Variants in JAKMIP2 observed in about 807,000 individuals in gnomAD.
JAKMIP2 encodes the protein janus kinase and microtubule-interacting protein 2.
JAKMIP2 carries 25 observed loss-of-function variants against 115.0 expected under a neutral mutation model. The observed-to-expected ratio is 0.22, with a 90% CI of 0.16 to 0.30. The LOEUF is 0.30. Ranked by LOEUF, JAKMIP2 falls within the 10% of genes least tolerant of loss-of-function variation. The pLI is 1.00. For synonymous variants in JAKMIP2, 334 were observed against 343.6 expected, an observed-to-expected ratio of 0.97 and a Z score of 0.31; for missense variants, 642 against 957.6, an observed-to-expected ratio of 0.67 and a Z score of 4.35.
At chr5:147,636,163 G>A in intron 12 of JAKMIP2, 59 bp downstream of exon 12, 4 of 1,429,620 alleles carry the variant, frequency 2.8e-6, no homozygotes, top group Non-Finnish European at 3.9e-6. Context: ...ACCCCCTGCT[G>A]CTCCTGGATC....
chr5:147,659,093 G>GAA (rs34795261), intron 3 of JAKMIP2, among the ~76,000 whole-genome samples: 33,803 of 142,922 alleles, frequency 0.24, 4,718 homozygotes, highest in African/African-American at 0.39. Flanking sequence ...GCTGGAGTAT[G>GAA]AAAAAAAAAA....
chr5:147,603,095 G>A (rs1180204064), intron 20 of JAKMIP2, among the ~76,000 whole-genome samples: 2 of 152,146 alleles, frequency 1.3e-5, no homozygotes, highest in African/African-American at 2.4e-5. Flanking sequence ...TTGGGCATGA[G>A]GAGATGCCCA....
intron 20 of JAKMIP2, among the ~76,000 whole-genome samples, chr5:147,607,987 G>A (rs923784474): frequency 6.6e-5 from 10 of 152,054 alleles, no homozygotes; most frequent in Admixed American, 2.6e-4. Context: ...TTCTCTGATC[G>A]TAGTTTGTAT....
intron 1 of JAKMIP2, among the ~76,000 whole-genome samples, chr5:147,765,886 A>G (rs1042175217): frequency 6.6e-6 from 1 of 152,044 alleles, no homozygotes; most frequent in Non-Finnish European, 1.5e-5. Context: ...AACATCTTTG[A>G]GTTCATTGCC....
chr5:147,716,179 A>G (rs1488171406), intron 1 of JAKMIP2, among the ~76,000 whole-genome samples: 1 of 138,252 alleles, frequency 7.2e-6, no homozygotes, highest in African/African-American at 2.8e-5. Context: ...TGAACTCATC[A>G]TTTTTTATGG....
intron 2 of JAKMIP2, among the ~76,000 whole-genome samples, chr5:147,663,349 G>A (rs564825375): frequency 1.3e-5 from 2 of 152,274 alleles, no homozygotes; most frequent in East Asian, 3.9e-4. Context: ...AGCTGCCAGG[G>A]AAGCCAGAAT....
intron 1 of JAKMIP2, among the ~76,000 whole-genome samples, chr5:147,754,640 A>G (rs1754681007): frequency 6.6e-6 from 1 of 152,128 alleles, no homozygotes; most frequent in African/African-American, 2.4e-5. Flanking sequence ...CTAAAAGTTT[A>G]CCGTGAGTGA....
chr5:147,652,824 G>A (rs1004668778), intron 3 of JAKMIP2, among the ~76,000 whole-genome samples: 20 of 151,932 alleles, frequency 1.3e-4, no homozygotes, highest in Non-Finnish European at 2.1e-4. Context: ...AGCCCCGCAT[G>A]CATTAGGTGT....
At chr5:147,778,528 G>C (rs1363298290) in intron 1 of JAKMIP2, among the ~76,000 whole-genome samples, 1 of 151,952 alleles carries the variant, frequency 6.6e-6, no homozygotes, top group African/African-American at 2.4e-5. Flanking sequence ...CATGAGACTA[G>C]GGATCCAGCC....
chr5:147,685,734 G>A (rs887867801), intron 1 of JAKMIP2, among the ~76,000 whole-genome samples: 1 of 152,070 alleles, frequency 6.6e-6, no homozygotes, highest in East Asian at 1.9e-4. Flanking sequence ...TGTGATGTAA[G>A]GCATTTAAAA....
intron 1 of JAKMIP2, among the ~76,000 whole-genome samples, chr5:147,707,392 G>T (rs1268826714): frequency 6.6e-6 from 1 of 151,968 alleles, no homozygotes; most frequent in South Asian, 2.1e-4. Flanking sequence ...TAAAAGTTGC[G>T]GTATGTCAGT....
chr5:147,721,813 G>C (rs987113195), intron 1 of JAKMIP2, among the ~76,000 whole-genome samples: 11 of 152,122 alleles, frequency 7.2e-5, no homozygotes, highest in Non-Finnish European at 1.6e-4. Context: ...CGTCTTCTGC[G>C]TCGCTCATGC....
chr5:147,618,502 C>T (rs985537686), intron 18 of JAKMIP2, among the ~76,000 whole-genome samples: 2 of 152,040 alleles, frequency 1.3e-5, no homozygotes, highest in East Asian at 1.9e-4. Flanking sequence ...TTTGGGAGCC[C>T]GAGGCAGGCG....
At chr5:147,641,523 T>C (rs3765006) in intron 8 of JAKMIP2, among the ~76,000 whole-genome samples, 185 bp downstream of exon 8, 1 of 152,078 alleles carries the variant, frequency 6.6e-6, no homozygotes, top group African/African-American at 2.4e-5. Context: ...ATTTACAACA[T>C]AATCATTTTT....
At chr5:147,704,391 T>C (rs901108898) in intron 1 of JAKMIP2, among the ~76,000 whole-genome samples, 5 of 152,152 alleles carry the variant, frequency 3.3e-5, no homozygotes, top group African/African-American at 9.7e-5. Flanking sequence ...AGCTCCATTA[T>C]AATCTTATGG....
At chr5:147,710,048 G>A (rs913498765) in intron 1 of JAKMIP2, among the ~76,000 whole-genome samples, 10 of 152,162 alleles carry the variant, frequency 6.6e-5, no homozygotes, top group African/African-American at 2.4e-4. Flanking sequence ...GCCTAATAGA[G>A]TGATCAGCCT....
intron 17 of JAKMIP2, among the ~76,000 whole-genome samples, chr5:147,621,953 C>T (rs1212214693): frequency 1.3e-5 from 2 of 152,128 alleles, no homozygotes; most frequent in African/African-American, 4.8e-5. Flanking sequence ...CTGCAAACTC[C>T]GCCTCCTGGG....
intron 5 of JAKMIP2, among the ~76,000 whole-genome samples, chr5:147,646,071 G>A: frequency 6.6e-6 from 1 of 152,218 alleles, no homozygotes; most frequent in Middle Eastern, 3.4e-3. Context: ...GGCTGTATTC[G>A]AAATATTTGA....
chr5:147,669,179 A>G (rs55698590), intron 2 of JAKMIP2, among the ~76,000 whole-genome samples: 11,928 of 152,216 alleles, frequency 0.078, 624 homozygotes, highest in Admixed American at 0.14. Context: ...AATCCTATTT[A>G]TTTATAATAA....
Sources: gnomAD v4.1 joint callset for allele counts (sites outside exome capture counted in the v4.1 genomes callset) on GRCh38, gnomAD v4.1.1 for gene constraint, MANE v1.5 for transcripts, NCBI Gene and HGNC (gene_info 2026-07-23, HGNC 2026-07-21) for gene names.